Variants in DOCK3 observed in about 807,000 individuals in gnomAD.
The protein encoded by DOCK3 is dedicator of cytokinesis 3.
A neutral mutation model predicts 265.6 loss-of-function variants in DOCK3; 60 were observed. The observed-to-expected ratio is 0.23, with a 90% confidence interval of 0.18 to 0.28. DOCK3 has a LOEUF of 0.28. DOCK3 is among the 10% of genes least tolerant of loss of function. The pLI, the probability that DOCK3 is intolerant of heterozygous loss-of-function variation, is 1.00. For synonymous variants in DOCK3, 881 were observed against 938.0 expected, an observed-to-expected ratio of 0.94 and a Z score of 1.11; for missense variants, 1,981 against 2,594.3, an observed-to-expected ratio of 0.76 and a Z score of 5.14.
At position 50,867,367 on chromosome 3, in the gene DOCK3, C is replaced by T. The variant is rs139735699; in HGVS notation, c.163-22659C>T. 9.2e-5 allele frequency among the ~76,000 whole-genome samples: 14 copies of T among 152,230 alleles called. No individual in the cohort carries two copies. The East Asian group carries it at 2.5e-3, about 27-fold the overall frequency. On this transcript the variant is annotated intron_variant, in intron 3 of 52. Transcript: ENST00000266037. ...TCTAAATATGGGATTATATCATCTG[C>T]AAGGATAACTTGACTTTTTTCTTTC...
chr3:51,341,206 C>G (rs1339397720), intron 37 of DOCK3, 31 bp from the exon 38 acceptor site: 4 of 1,543,688 alleles, frequency 2.6e-6, no homozygotes, highest in Non-Finnish European at 3.5e-6. Context: ...CAAGGGAAGC[C>G]CCTGGACCTC....
chr3:50,841,583 T>C (rs1233308227), intron 2 of DOCK3, 92 bp from the exon 3 acceptor site: 5 of 469,660 alleles, frequency 1.1e-5, no homozygotes, highest in Admixed American at 3.8e-5. Context: ...TAAGGAAAGA[T>C]GTGCATTTAT....
At chr3:50,885,782 A>G (rs188065322) in intron 3 of DOCK3, among the ~76,000 whole-genome samples, 349 of 152,034 alleles carry the variant, frequency 2.3e-3, no homozygotes, top group African/African-American at 8.0e-3. Context: ...CGTTACCCCA[A>G]TGTGGGTTTG....
At chr3:51,025,630 G>T (rs1198367065) in intron 5 of DOCK3, among the ~76,000 whole-genome samples, 2 of 152,166 alleles carry the variant, frequency 1.3e-5, no homozygotes, top group Non-Finnish European at 2.9e-5. Context: ...TGGGGTGTTT[G>T]TCCTCTCTTG....
In DOCK3 at chr3:50,771,229, A is replaced by C. The variant is rs529788651; in HGVS notation, c.38-7446A>C. 5.9e-5 allele frequency among the ~76,000 whole-genome samples: 9 copies of C among 152,348 alleles called. No individual in the cohort carries two copies. In the East Asian group the frequency reaches 1.2e-3, roughly 20 times the overall value. ...AAAGGATTAATGACCAGAATATATA[A>C]GGAGCTCAAACAACTCTATAGGAAA... On this transcript the variant is annotated intron_variant, in intron 1 of 52. Transcript: ENST00000266037.
intron 5 of DOCK3, among the ~76,000 whole-genome samples, chr3:51,025,436 C>G (rs896529029): frequency 3.9e-5 from 6 of 152,090 alleles, no homozygotes; most frequent in African/African-American, 1.4e-4. Context: ...GTGACAGCAC[C>G]TGGTTTAGAT....
intron 12 of DOCK3, among the ~76,000 whole-genome samples, chr3:51,180,123 G>C (rs1434372893): frequency 6.7e-6 from 1 of 149,406 alleles, no homozygotes; most frequent in South Asian, 2.1e-4. Context: ...CAGGAGAATC[G>C]CTTGAACTCA....
At chr3:50,691,474 A>C (rs2035238110) in intron 1 of DOCK3, among the ~76,000 whole-genome samples, 2 of 152,050 alleles carry the variant, frequency 1.3e-5, no homozygotes, top group African/African-American at 4.8e-5. Flanking sequence ...GCTGATGGAC[A>C]CTTGGGTTGT....
rs185277213 is a variant in DOCK3, at chr3:51,294,992, A to T, written c.2922+14788A>T. 2.0e-5 allele frequency among the ~76,000 whole-genome samples: 3 copies of T among 152,344 alleles called. No homozygotes were observed. In the East Asian group the frequency reaches 5.8e-4, roughly 29 times the overall value. On this transcript the variant is annotated intron_variant, in intron 27 of 52. Transcript: ENST00000266037. ...ATGTATACATGTATTGACACATCAG[A>T]TTGTGTTTAATAATTATATACAATT... is the stretch of plus-strand genomic sequence containing the variant.
rs140917939 is a variant in DOCK3, at chr3:50,851,594, T to C, written c.162+9879T>C. On this transcript the variant is annotated intron_variant, in intron 3 of 52. Transcript: ENST00000266037. ...GGAATGGAGAGGACCCTGCTGCATATTGATCTTAGGGAAGCAGGCTGGGGC... is the reference window on the plus strand; with the variant it reads ...GGAATGGAGAGGACCCTGCTGCATACTGATCTTAGGGAAGCAGGCTGGGGC... Among the ~76,000 whole-genome samples, 614 of 152,256 alleles carry C rather than the reference T, an allele frequency of 4.0e-3. 6 individuals are homozygous for C. The highest frequency in any genetic ancestry group is 0.014 in the African/African-American group (577 of 41,542).
At chr3:50,808,438 T>C (rs2106715529) in intron 2 of DOCK3, among the ~76,000 whole-genome samples, 1 of 152,314 alleles carries the variant, frequency 6.6e-6, no homozygotes, top group East Asian at 1.9e-4. Context: ...AGAGGACTTA[T>C]GGTACCAGAT....
intron 10 of DOCK3, among the ~76,000 whole-genome samples, chr3:51,153,591 C>T (rs2085713649): frequency 6.6e-6 from 1 of 152,220 alleles, no homozygotes; most frequent in South Asian, 2.1e-4. Flanking sequence ...CTGCGTCGAT[C>T]ATGCTGGGAG....
At chr3:50,740,721 A>G (rs562534823) in intron 1 of DOCK3, among the ~76,000 whole-genome samples, 3 of 152,284 alleles carry the variant, frequency 2.0e-5, no homozygotes, top group Admixed American at 1.3e-4. Context: ...AAGTTGTTGT[A>G]GTATGGAATC....
At chr3:50,920,389 TG>T (rs1192993405) in intron 4 of DOCK3, among the ~76,000 whole-genome samples, 9 of 152,198 alleles carry the variant, frequency 5.9e-5, no homozygotes, top group African/African-American at 2.2e-4. Context: ...GGACTTTTTT[TG>T]GTTGGTAGTC....
At chr3:51,377,906 A>G (rs1277881530) in intron 51 of DOCK3, among the ~76,000 whole-genome samples, 2 of 152,240 alleles carry the variant, frequency 1.3e-5, no homozygotes, top group Non-Finnish European at 2.9e-5. Context: ...GAAGCCGCCC[A>G]GACCCATTTC....
chr3:51,202,725 T>G (rs1020007402), intron 12 of DOCK3, among the ~76,000 whole-genome samples: 1 of 151,880 alleles, frequency 6.6e-6, no homozygotes, highest in African/African-American at 2.4e-5. Flanking sequence ...AAAAAGAGAA[T>G]TTTAGACCAA....
intron 9 of DOCK3, among the ~76,000 whole-genome samples, chr3:51,092,792 T>C (rs1419324465): frequency 6.6e-6 from 1 of 152,206 alleles, no homozygotes; most frequent in Non-Finnish European, 1.5e-5. Flanking sequence ...GTTGCCCCTC[T>C]GGGACGAAGC....
chr3:51,138,513 C>A (rs1455905673), intron 9 of DOCK3, among the ~76,000 whole-genome samples: 1 of 152,154 alleles, frequency 6.6e-6, no homozygotes, highest in African/African-American at 2.4e-5. Context: ...AACTTAAGGG[C>A]TTCCTTTCAT....
chr3:51,226,399 A>G (rs1004670208), intron 15 of DOCK3, among the ~76,000 whole-genome samples: 4 of 152,232 alleles, frequency 2.6e-5, no homozygotes, highest in Non-Finnish European at 5.9e-5. Flanking sequence ...TAGAAGACAA[A>G]TCGGTGTTGT....
Sources: gnomAD v4.1 joint callset for allele counts (sites outside exome capture counted in the v4.1 genomes callset) on GRCh38, gnomAD v4.1.1 for gene constraint, MANE v1.5 for transcripts, NCBI Gene and HGNC (gene_info 2026-07-23, HGNC 2026-07-21) for gene names.